SLC24A3: variants seen among roughly 807,000 people sequenced by gnomAD.
SLC24A3 encodes the protein solute carrier family 24 member 3.
SLC24A3 carries 28 observed loss-of-function variants against 75.8 expected under a neutral mutation model. The ratio of observed to expected loss-of-function variants is 0.37; its 90% CI spans 0.27 to 0.51. The LOEUF (loss-of-function observed/expected upper bound fraction) is 0.51. Ranked by LOEUF, SLC24A3 falls within the 20% of genes least tolerant of loss-of-function variation. The probability of loss-of-function intolerance (pLI) is 0.94; values close to 1 mark genes in which losing one functional copy is unlikely to be tolerated. For missense variants in SLC24A3, 663 were observed against 847.8 expected (o/e 0.78, Z 2.71); for synonymous variants, 372 against 334.1 (o/e 1.11, Z -1.24).
intron 2 of SLC24A3, among the ~76,000 whole-genome samples, chr20:19,491,511 G>A (rs543881142): frequency 6.6e-6 from 1 of 152,166 alleles, no homozygotes; most frequent in South Asian, 2.1e-4. Context: ...GACAAAGGTT[G>A]CCTGAGCTTC....
intron 2 of SLC24A3, among the ~76,000 whole-genome samples, chr20:19,423,072 T>C (rs1986944458): frequency 1.3e-5 from 2 of 152,224 alleles, no homozygotes; most frequent in Non-Finnish European, 2.9e-5. Context: ...AGCAAACTCC[T>C]ATGGCTGGGC....
intron 2 of SLC24A3, among the ~76,000 whole-genome samples, chr20:19,293,919 A>G (rs6112296): frequency 0.04 from 6,034 of 150,030 alleles, 398 homozygotes; most frequent in African/African-American, 0.14. Flanking sequence ...TGGTTCTAGG[A>G]CACCCCCCCA....
intron 1 of SLC24A3, 83 bp from the exon 2 acceptor site, chr20:19,280,876 G>A (rs1983640411): frequency 6.6e-6 from 10 of 1,516,176 alleles, no homozygotes; most frequent in Non-Finnish European, 8.9e-6. Context: ...AGTGATGGCT[G>A]ATCAGGGCAG....
chr20:19,253,130 G>C (rs540499599), intron 1 of SLC24A3, among the ~76,000 whole-genome samples: 1 of 152,160 alleles, frequency 6.6e-6, no homozygotes, highest in Non-Finnish European at 1.5e-5. Context: ...GCTTTGGGCC[G>C]GTGGTCTCAT....
intron 2 of SLC24A3, among the ~76,000 whole-genome samples, chr20:19,469,445 C>T (rs1987828038): frequency 6.6e-6 from 1 of 152,196 alleles, no homozygotes; most frequent in East Asian, 1.9e-4. Flanking sequence ...TCCCAAGCCG[C>T]CCCTGGTCAA....
At chr20:19,570,017 ATC>A (rs1230086719) in intron 3 of SLC24A3, among the ~76,000 whole-genome samples, 1 of 152,170 alleles carries the variant, frequency 6.6e-6, no homozygotes, top group Non-Finnish European at 1.5e-5. Context: ...GGATGTATTT[ATC>A]TGTTCTCACA....
chr20:19,648,925 T>C (rs1425647686), intron 6 of SLC24A3, among the ~76,000 whole-genome samples: 1 of 152,228 alleles, frequency 6.6e-6, no homozygotes, highest in East Asian at 1.9e-4. Flanking sequence ...ATAGAGTCTC[T>C]GGCTGAATCT....
intron 1 of SLC24A3, among the ~76,000 whole-genome samples, chr20:19,265,551 G>C (rs1208057832): frequency 6.6e-6 from 1 of 152,228 alleles, no homozygotes; most frequent in African/African-American, 2.4e-5. Flanking sequence ...GCATGTATCA[G>C]CTATGAGCTT....
intron 2 of SLC24A3, among the ~76,000 whole-genome samples, chr20:19,450,732 C>A (rs1240207372): frequency 5.3e-5 from 8 of 152,204 alleles, no homozygotes; most frequent in Non-Finnish European, 1.0e-4. Context: ...GGTTCGATGG[C>A]TCACACCTGT....
intron 2 of SLC24A3, among the ~76,000 whole-genome samples, chr20:19,514,813 G>A (rs2029951827): frequency 1.3e-5 from 2 of 152,168 alleles, no homozygotes; most frequent in Admixed American, 6.5e-5. Context: ...CCTGTGGTTG[G>A]CATTCTGGTC....
Position 19,644,660 on chromosome 20 carries a change from C to T in SLC24A3, c.613-9402C>T, listed in dbSNP as rs958312. Among the ~76,000 whole-genome samples the T allele has an allele frequency of 9.1e-3, 1,392 of 152,290 alleles. 24 individuals are homozygous for T. The highest frequency in any genetic ancestry group is 0.032 in the African/African-American group (1,334 of 41,548). On this transcript the variant is annotated intron_variant, in intron 6 of 16. Transcript: ENST00000328041. ...CTATGATAATGAATTAAACAAATAG[C>T]ACTCTTAATCAAAATCTACAGATAA...
At chr20:19,560,529 G>A (rs969082753) in intron 3 of SLC24A3, among the ~76,000 whole-genome samples, 1 of 152,194 alleles carries the variant, frequency 6.6e-6, no homozygotes, top group Non-Finnish European at 1.5e-5. Context: ...GTTGTCCATT[G>A]TCAGAAGTGG....
rs375124677 is a variant in SLC24A3, at chr20:19,540,539, A to G, written c.348+24975A>G. Reference sequence around the variant, plus strand: ...ACCAGCAGGCTCGCAGAGGCCAGTAACACCCACTCCCCTGCATCATAAGTT... The same window carrying G: ...ACCAGCAGGCTCGCAGAGGCCAGTAGCACCCACTCCCCTGCATCATAAGTT... On this transcript the variant is annotated intron_variant, in intron 3 of 16. Coordinates refer to ENST00000328041, the MANE Select transcript of SLC24A3 (RefSeq NM_020689.4). 6.6e-5 allele frequency among the ~76,000 whole-genome samples: 10 copies of G among 152,314 alleles called. 2 individuals are homozygous for G.
chr20:19,314,584 G>A (rs1165574748), intron 2 of SLC24A3, among the ~76,000 whole-genome samples: 1 of 152,092 alleles, frequency 6.6e-6, no homozygotes, highest in African/African-American at 2.4e-5. Flanking sequence ...CAAAGTTCTG[G>A]GATTACAGGC....
chr20:19,576,508 A>G (rs1426707600), intron 3 of SLC24A3, among the ~76,000 whole-genome samples: 5 of 152,160 alleles, frequency 3.3e-5, no homozygotes, highest in Non-Finnish European at 7.3e-5. Flanking sequence ...CTGCAGCTGG[A>G]GAAGGGCTCA....
intron 6 of SLC24A3, among the ~76,000 whole-genome samples, chr20:19,591,504 T>G (rs2031377176): frequency 6.6e-6 from 1 of 152,056 alleles, no homozygotes; most frequent in Admixed American, 6.5e-5. Flanking sequence ...TTTTTTTTTT[T>G]TAATGGCAGA....
In SLC24A3 at chr20:19,658,563, C is replaced by A. The variant is rs565724859; in HGVS notation, c.687+4427C>A. ...TCATTGTCTAAAGCAATTATAATTT[C>A]AAAAACATAAAGTGTGTGCTTCTCG... On this transcript the variant is annotated intron_variant, in intron 7 of 16. Coordinates refer to ENST00000328041, the MANE Select transcript of SLC24A3 (RefSeq NM_020689.4). Among the ~76,000 whole-genome samples, 14 of 152,304 alleles carry A rather than the reference C, an allele frequency of 9.2e-5. No individual in the cohort carries two copies. In the South Asian group the frequency reaches 2.3e-3, roughly 25 times the overall value.
chr20:19,666,706 C>T (rs867896135), intron 8 of SLC24A3, among the ~76,000 whole-genome samples: 2 of 151,174 alleles, frequency 1.3e-5, no homozygotes, highest in African/African-American at 2.4e-5. Context: ...CAAATTGGCC[C>T]GGCATGGTGG....
At chr20:19,257,198 T>A (rs1982840675) in intron 1 of SLC24A3, among the ~76,000 whole-genome samples, 1 of 152,192 alleles carries the variant, frequency 6.6e-6, no homozygotes, top group African/African-American at 2.4e-5. Flanking sequence ...CAGAGTCACA[T>A]AAGGCGAGCC....
Sources: allele counts gnomAD v4.1 joint callset (sites outside exome capture counted in the v4.1 genomes callset), GRCh38; gene constraint gnomAD v4.1.1; transcripts MANE v1.5; gene names NCBI Gene and HGNC (gene_info 2026-07-23, HGNC 2026-07-21).